NFE2L3: variants seen among roughly 807,000 people sequenced by gnomAD.
The protein encoded by NFE2L3 is NFE2 like bZIP transcription factor 3.
A neutral mutation model predicts 23.5 loss-of-function variants in NFE2L3; 18 were observed. The ratio of observed to expected loss-of-function variants is 0.77; its 90% confidence interval spans 0.53 to 1.13. The LOEUF (loss-of-function observed/expected upper bound fraction) is 1.13, where lower values mean the gene tolerates loss of function less well. NFE2L3 is among the 50% of genes most tolerant of loss of function. NFE2L3 has a pLI of 0.00. For missense variants in NFE2L3, 1,152 were observed against 877.2 expected (o/e 1.31, Z -3.96); for synonymous variants, 424 against 354.5 (o/e 1.20, Z -2.20).
rs3753099 is a variant in NFE2L3 at position 26,158,061 on chromosome 7, A to T, written c.570+4993A>T. On this transcript the variant is annotated intron_variant, in intron 1 of 3. Transcript: ENST00000056233. ...GTTTTTTTGTTTTGTTTTGTTTTTTATTTTTGAGATGGAATCTTGCTCTGT... is the reference window on the plus strand; with the variant it reads ...GTTTTTTTGTTTTGTTTTGTTTTTTTTTTTTGAGATGGAATCTTGCTCTGT... 2.4e-4 allele frequency among the ~76,000 whole-genome samples: 11 copies of T among 46,520 alleles called. No individual in the cohort carries two copies. The East Asian group carries it at 6.1e-3, about 26-fold the overall frequency. 30.5% of individuals were successfully genotyped at this position (46,520 alleles called of 152,430 possible). A position where few individuals can be genotyped will look rare whatever the true frequency, so the allele number is the denominator to read the frequency against.
At chr7:26,183,979 TTAGAC>T (rs1342583760) in intron 3 of NFE2L3, 195 bp downstream of exon 3, 1 of 531,942 alleles carries the variant, frequency 1.9e-6, no homozygotes, top group Non-Finnish European at 3.3e-6. Flanking sequence ...ATAATCAAAT[TTAGAC>T]TAGTCATGGA....
chr7:26,181,911 A>G (rs1421444228), intron 2 of NFE2L3, among the ~76,000 whole-genome samples: 2 of 152,126 alleles, frequency 1.3e-5, no homozygotes, highest in African/African-American at 4.8e-5. Context: ...ATCTAAGAAA[A>G]TTATCTAGAA....
intron 1 of NFE2L3, among the ~76,000 whole-genome samples, chr7:26,161,592 G>C (rs1188522782): frequency 1.3e-5 from 2 of 151,992 alleles, no homozygotes. Context: ...TCAGTGTCCG[G>C]CAATACCTGA....
intron 1 of NFE2L3, 100 bp downstream of exon 1, chr7:26,153,168 C>G: frequency 8.2e-7 from 1 of 1,216,100 alleles, no homozygotes. Flanking sequence ...TCGCTGTGTC[C>G]TGGCACCCTT....
Position 26,184,730 on chromosome 7 carries a change from G to GT in NFE2L3, c.1034dup (p.Leu345PhefsTer9), listed in dbSNP as rs756745975. ...CACAGTCACAAGAACCATTTCTGCAGTTAAATTCTCATACCACCAATCCTG... is the reference window on the plus strand; with the variant it reads ...CACAGTCACAAGAACCATTTCTGCAGTTTAAATTCTCATACCACCAATCCTG... On this transcript the variant is annotated frameshift_variant, in exon 4 of 4. Coordinates refer to ENST00000056233, the MANE Select transcript of NFE2L3 (RefSeq NM_004289.7). LOFTEE classifies it low-confidence loss of function (END_TRUNC). 6.2e-7 allele frequency: 1 copy of GT among 1,613,904 alleles called. No homozygotes were observed. The highest frequency in any genetic ancestry group is 1.1e-5 in the South Asian group (1 of 91,046).
chr7:26,161,836 A>C (rs558961717), intron 1 of NFE2L3, among the ~76,000 whole-genome samples: 3 of 152,206 alleles, frequency 2.0e-5, no homozygotes, highest in Admixed American at 2.0e-4. Context: ...CTTGCACATA[A>C]GTGCAGTTTA....
chr7:26,171,227 G>T (rs1205630396), intron 1 of NFE2L3, among the ~76,000 whole-genome samples: 2 of 152,192 alleles, frequency 1.3e-5, no homozygotes, highest in Admixed American at 6.5e-5. Flanking sequence ...TACAAGAAAA[G>T]ATTAGAAACA....
intron 1 of NFE2L3, among the ~76,000 whole-genome samples, chr7:26,159,835 G>T (rs1269522211): frequency 6.6e-6 from 1 of 151,968 alleles, no homozygotes; most frequent in Non-Finnish European, 1.5e-5. Context: ...CTGTTCTTAA[G>T]CACTGAGTAA....
At chr7:26,180,917 C>T (rs1784495173) in intron 2 of NFE2L3, among the ~76,000 whole-genome samples, 1 of 152,178 alleles carries the variant, frequency 6.6e-6, no homozygotes, top group African/African-American at 2.4e-5. Context: ...TGTGTTATCT[C>T]CATGTTCCTA....
At chr7:26,156,813 G>A (rs1784089231) in intron 1 of NFE2L3, among the ~76,000 whole-genome samples, 1 of 152,148 alleles carries the variant, frequency 6.6e-6, no homozygotes, top group Non-Finnish European at 1.5e-5. Flanking sequence ...TTAACTGCCT[G>A]AAGAAACTGT....
In NFE2L3 at chr7:26,185,301, T is replaced by C. The variant is rs546878430; in HGVS notation, c.1603T>C (p.Leu535=). 1.0e-4 allele frequency: 162 copies of C among 1,614,134 alleles called. No individual in the cohort carries two copies. The highest frequency in any genetic ancestry group is 7.0e-4 in the Admixed American group (42 of 60,022). ...SRYLEDTDRN[L]SRDEQRAKAL... ...ATACCTTGAAGACACAGATAGAAAC[T>C]TGAGCCGTGATGAACAGCGTGCTAA... The change falls in exon 4 of 4, where the codon TTG becomes CTG. Residue 535 remains leucine, a synonymous_variant. Coordinates refer to ENST00000056233, the MANE Select transcript of NFE2L3 (RefSeq NM_004289.7).
intron 1 of NFE2L3, among the ~76,000 whole-genome samples, chr7:26,175,853 CTTTTTTTTTTTTT>C (rs70943276): frequency 9.0e-6 from 1 of 111,646 alleles, no homozygotes. Context: ...ATTTTCTTTT[CTTTTTTTTTTTTT>C]TTTTTTAGTA....
At chr7:26,160,723 G>A (rs901658922) in intron 1 of NFE2L3, among the ~76,000 whole-genome samples, 1 of 152,164 alleles carries the variant, frequency 6.6e-6, no homozygotes, top group African/African-American at 2.4e-5. Context: ...AAAGTCAGCT[G>A]GTTGATTGTA....
chr7:26,156,476 T>C (rs933734334), intron 1 of NFE2L3, among the ~76,000 whole-genome samples: 4 of 152,216 alleles, frequency 2.6e-5, no homozygotes, highest in African/African-American at 7.2e-5. Flanking sequence ...AGTACTGTTT[T>C]GGTTTCACTT....
chr7:26,176,262 C>G (rs1439863640), intron 1 of NFE2L3, among the ~76,000 whole-genome samples: 1 of 152,166 alleles, frequency 6.6e-6, no homozygotes, highest in Non-Finnish European at 1.5e-5. Context: ...CTACTTCTTT[C>G]TACACAGACA....
chr7:26,185,196 T>TA lies in NFE2L3; in HGVS notation c.1499dup (p.Tyr500Ter), dbSNP rs749832831. 13 of 1,613,762 alleles carry TA rather than the reference T, an allele frequency of 8.1e-6. No individual in the cohort carries two copies. Among genetic ancestry groups the TA allele is most frequent in the Admixed American group, 1.7e-5 (1 of 59,984 alleles). ...TCAACACGTATTTCATAACCACACT[T>TA]ACCACTTACAGCCAACTGCACCAGA... ...TFQHVFHNHT[Y>*]HLQPTAPEST... Residue 500 changes from tyrosine to a stop codon, truncating the protein, a stop_gained and frameshift_variant, in exon 4 of 4, where the codon TAC (tyrosine) becomes TAAC (stop). Coordinates refer to ENST00000056233, the MANE Select transcript of NFE2L3 (RefSeq NM_004289.7). LOFTEE classifies it low-confidence loss of function (END_TRUNC).
rs1420171448 is a variant in NFE2L3, at chr7:26,185,541, G to A, written c.1843G>A (p.Ala615Thr). Residue 615 changes from alanine (A) to threonine (T), a missense_variant, in exon 4 of 4, where the codon GCA (alanine) becomes ACA (threonine). Ala to Thr is a moderately conservative substitution (Grantham distance 58). Transcript: ENST00000056233. Reference protein sequence around the residue: ...NLEDDVCNLQAKKETLKREQA... With the variant: ...NLEDDVCNLQTKKETLKREQA... ...AGAAGATGATGTATGTAACTTGCAA[G>A]CAAAGAAGGAAACTCTTAAGAGAGA... The A allele has an allele frequency of 6.8e-6, 11 of 1,613,732 alleles. No homozygotes were observed. The highest frequency in any genetic ancestry group is 6.7e-5 in the African/African-American group (5 of 74,900).
intron 1 of NFE2L3, among the ~76,000 whole-genome samples, chr7:26,165,900 A>G (rs190023663): frequency 1.0e-3 from 156 of 152,294 alleles, no homozygotes; most frequent in African/African-American, 3.6e-3. Flanking sequence ...TTCTTTAATA[A>G]TCATCACATA....
At chr7:26,179,291 AGGAGTT>A (rs767681982) in intron 2 of NFE2L3, among the ~76,000 whole-genome samples, 4 of 152,146 alleles carry the variant, frequency 2.6e-5, no homozygotes, top group Non-Finnish European at 5.9e-5. Context: ...GCTTGAGCCC[AGGAGTT>A]GGAGATCAGC....
Sources: gnomAD v4.1 joint callset for allele counts (sites outside exome capture counted in the v4.1 genomes callset) on GRCh38, gnomAD v4.1.1 for gene constraint, MANE v1.5 for transcripts, NCBI Gene and HGNC (gene_info 2026-07-23, HGNC 2026-07-21) for gene names.